UBAC2: variants seen among roughly 807,000 people sequenced by gnomAD.
The protein encoded by UBAC2 is ubiquitin-associated domain-containing protein 2.
A neutral mutation model predicts 44.0 loss-of-function variants in UBAC2; 26 were observed. That is an observed-to-expected ratio of 0.59 (90% CI 0.43 to 0.82). The LOEUF (loss-of-function observed/expected upper bound fraction) is 0.82, where lower values mean the gene tolerates loss of function less well. Ranked by LOEUF, UBAC2 falls within the 40% of genes least tolerant of loss-of-function variation. The pLI, the probability that UBAC2 is intolerant of heterozygous loss-of-function variation, is 0.00. For missense variants in UBAC2, 329 were observed against 419.4 expected (o/e 0.78, Z 1.88); for synonymous variants, 155 against 154.3 (o/e 1.00, Z -0.04).
intron 4 of UBAC2, among the ~76,000 whole-genome samples, chr13:99,256,078 G>T (rs942317520): frequency 6.6e-6 from 1 of 152,184 alleles, no homozygotes; most frequent in Non-Finnish European, 1.5e-5. Context: ...ATTTGAGAGA[G>T]AATGGGAACT....
intron 7 of UBAC2, among the ~76,000 whole-genome samples, chr13:99,341,424 G>T (rs1472897809): frequency 6.6e-6 from 1 of 150,864 alleles, no homozygotes; most frequent in East Asian, 2.0e-4. Flanking sequence ...TATCAGGGGG[G>T]GGGAGGAAGG....
intron 7 of UBAC2, chr13:99,351,662 GA>G: frequency 2.2e-6 from 1 of 456,692 alleles, no homozygotes; most frequent in Middle Eastern, 3.3e-4. Flanking sequence ...CAAACTTGGG[GA>G]TAAAACTTTC....
intron 7 of UBAC2, among the ~76,000 whole-genome samples, chr13:99,358,649 T>C (rs1306958914): frequency 1.3e-5 from 2 of 152,166 alleles, no homozygotes; most frequent in African/African-American, 2.4e-5. Flanking sequence ...TGACGAGATT[T>C]GTATCTTAGG....
At chr13:99,354,090 A>C (rs1295300000) in intron 7 of UBAC2, among the ~76,000 whole-genome samples, 1 of 152,216 alleles carries the variant, frequency 6.6e-6, no homozygotes, top group Non-Finnish European at 1.5e-5. Context: ...TGGGTTTAGG[A>C]TGGGGGAGGC....
chr13:99,319,144 T>G lies in UBAC2; in HGVS notation c.561+1075T>G, dbSNP rs140093886. ...GCAACCTCAGTATGTTTGCTGGAATTTTTTCATCTTGTCTATGCTATTGTA... is the reference window on the plus strand; with the variant it reads ...GCAACCTCAGTATGTTTGCTGGAATGTTTTCATCTTGTCTATGCTATTGTA... On this transcript the variant is annotated intron_variant, in intron 6 of 8. Transcript: ENST00000403766. Among the ~76,000 whole-genome samples the G allele has an allele frequency of 8.2e-3, 1,245 of 152,232 alleles. 11 individuals carry two copies. The highest frequency in any genetic ancestry group is 0.056 in the South Asian group (270 of 4,816).
chr13:99,303,494 T>C (rs1289675163), intron 4 of UBAC2, among the ~76,000 whole-genome samples: 1 of 152,224 alleles, frequency 6.6e-6, no homozygotes, highest in Non-Finnish European at 1.5e-5. Context: ...ATGGAAGTTA[T>C]TGAAGATGAA....
chr13:99,338,047 C>CTTTTTTTTTTTTTTTTTTTTTT lies in UBAC2; in HGVS notation c.562-2266_562-2245dup, dbSNP rs869112086. ...ATCTCCTAACTTTTTTTCTTTTTTTCTTTTTTTTTTTTTTTTTTTTTTTTT... is the reference window on the plus strand; with the variant it reads ...ATCTCCTAACTTTTTTTCTTTTTTTCTTTTTTTTTTTTTTTTTTTTTTTTTTTTTTTTTTTTTTTTTTTTTTT... On this transcript the variant is annotated intron_variant, in intron 6 of 8. Coordinates refer to ENST00000403766, the MANE Select transcript of UBAC2 (RefSeq NM_001144072.2). Among the ~76,000 whole-genome samples the CTTTTTTTTTTTTTTTTTTTTTT allele has an allele frequency of 6.5e-4, 32 of 48,862 alleles. 4 individuals carry two copies. Among genetic ancestry groups the CTTTTTTTTTTTTTTTTTTTTTT allele is most frequent in the African/African-American group, 1.5e-3 (21 of 14,114 alleles). 32.1% of individuals were successfully genotyped at this position (48,862 alleles called of 152,430 possible). A position where few individuals can be genotyped will look rare whatever the true frequency, so the allele number is the denominator to read the frequency against.
intron 8 of UBAC2, among the ~76,000 whole-genome samples, chr13:99,383,766 G>T (rs1378148197): frequency 3.9e-5 from 6 of 152,250 alleles, no homozygotes; most frequent in Non-Finnish European, 8.8e-5. Context: ...AAAAGCCCTG[G>T]CTGGACTCCA....
intron 6 of UBAC2, among the ~76,000 whole-genome samples, chr13:99,323,932 A>G (rs558034346): frequency 6.0e-4 from 91 of 152,344 alleles, no homozygotes; most frequent in African/African-American, 2.2e-3. Context: ...GAATTGCCTT[A>G]TAAAATTTAT....
At chr13:99,322,861 GC>G in intron 6 of UBAC2, among the ~76,000 whole-genome samples, 1 of 152,168 alleles carries the variant, frequency 6.6e-6, no homozygotes, top group Non-Finnish European at 1.5e-5. Context: ...GGGAAAATGA[GC>G]CATCTGGAGG....
At chr13:99,234,477 ACTGCG>A in intron 1 of UBAC2, 2 of 164,538 alleles carry the variant, frequency 1.2e-5, no homozygotes, top group South Asian at 1.1e-4. Flanking sequence ...GGCGTGAGCC[ACTGCG>A]CCCTGCCTGT....
At chr13:99,247,457 G>T (rs527880036) in intron 4 of UBAC2, among the ~76,000 whole-genome samples, 58 of 149,414 alleles carry the variant, frequency 3.9e-4, no homozygotes, top group Non-Finnish European at 7.7e-4. Context: ...CTCGTGATCC[G>T]CCCGCCTCGG....
At chr13:99,214,405 C>CA (rs1566449709) in intron 1 of UBAC2, among the ~76,000 whole-genome samples, 1 of 151,870 alleles carries the variant, frequency 6.6e-6, no homozygotes, top group Non-Finnish European at 1.5e-5. Flanking sequence ...GCAAGAGGCT[C>CA]AAACTTGAAA....
In UBAC2 at chr13:99,281,973, A is replaced by G. The variant is rs142311934; in HGVS notation, c.390-32124A>G. Among the ~76,000 whole-genome samples, 51 of 152,334 alleles carry G rather than the reference A, an allele frequency of 3.3e-4. No homozygotes were observed. The East Asian group carries it at 7.7e-3, about 23-fold the overall frequency. Reference sequence around the variant, plus strand: ...TTGCCAGAAGTCTACATGAAGCCACATGATAAGTGATTTTGTATTTGAACA... The same window carrying G: ...TTGCCAGAAGTCTACATGAAGCCACGTGATAAGTGATTTTGTATTTGAACA... On this transcript the variant is annotated intron_variant, in intron 4 of 8. Transcript: ENST00000403766.
chr13:99,266,755 G>A (rs2043749068), intron 4 of UBAC2, among the ~76,000 whole-genome samples: 1 of 152,102 alleles, frequency 6.6e-6, no homozygotes, highest in Non-Finnish European at 1.5e-5. Flanking sequence ...GTAGTGTTAA[G>A]TTCATTCACA....
intron 4 of UBAC2, chr13:99,256,587 A>G (rs1320314666): frequency 6.6e-6 from 1 of 152,058 alleles, no homozygotes; most frequent in African/African-American, 2.4e-5. Flanking sequence ...AAGCTTCAAT[A>G]TTATTTAAAT....
chr13:99,207,765 A>G (rs2042889289), intron 1 of UBAC2, among the ~76,000 whole-genome samples: 1 of 152,110 alleles, frequency 6.6e-6, no homozygotes, highest in Non-Finnish European at 1.5e-5. Flanking sequence ...GGGTCATTTG[A>G]GGCCTGCACT....
chr13:99,237,309 A>T (rs1259118764), intron 1 of UBAC2, among the ~76,000 whole-genome samples: 1 of 140,010 alleles, frequency 7.1e-6, no homozygotes, highest in African/African-American at 2.5e-5. Context: ...GTGGAATATT[A>T]TTCAGCTATA....
chr13:99,222,675 AT>A (rs2043063800), intron 1 of UBAC2, among the ~76,000 whole-genome samples: 1 of 152,156 alleles, frequency 6.6e-6, no homozygotes, highest in Non-Finnish European at 1.5e-5. Context: ...AATTACATTG[AT>A]TTGCTTTGCA....
Sources: gnomAD v4.1 joint callset for allele counts (sites outside exome capture counted in the v4.1 genomes callset) on GRCh38, gnomAD v4.1.1 for gene constraint, MANE v1.5 for transcripts, NCBI Gene and HGNC (gene_info 2026-07-23, HGNC 2026-07-21) for gene names.